CELF4: variants seen among roughly 807,000 people sequenced by gnomAD.
CELF4 encodes the protein CUGBP Elav-like family member 4, also known as CUG-BP- and ETR-3-like factor 4.
In CELF4, 18 loss-of-function variants were observed where a neutral mutation model predicts 59.9. The ratio of observed to expected loss-of-function variants is 0.30; its 90% confidence interval spans 0.21 to 0.45. CELF4 has a LOEUF of 0.45. Among genes scored for constraint, CELF4 ranks in the 20% least tolerant of loss-of-function variants. The probability of loss-of-function intolerance (pLI) is 1.00; values close to 1 mark genes in which losing one functional copy is unlikely to be tolerated. For missense variants in CELF4, 456 were observed against 689.0 expected (o/e 0.66, Z 3.79); for synonymous variants, 261 against 267.1 (o/e 0.98, Z 0.22).
At chr18:37,526,525 C>T (rs2099963983) in intron 1 of CELF4, among the ~76,000 whole-genome samples, 2 of 152,154 alleles carry the variant, frequency 1.3e-5, no homozygotes, top group South Asian at 4.1e-4. Flanking sequence ...CTAGTGAGTA[C>T]TACTCAGCGC....
rs866429560 is a variant in CELF4 at position 37,408,505 on chromosome 18, G to T, written c.369+77020C>A. On this transcript the variant is annotated intron_variant, in intron 2 of 12. Coordinates refer to ENST00000420428, the MANE Select transcript of CELF4 (RefSeq NM_020180.4). ...TTTGGTTGGTGCCGGGGGGGGGCGC[G>T]GTGCAGGAGGATGTGAGAGGAGGAA... is the stretch of plus-strand genomic sequence containing the variant. Among the ~76,000 whole-genome samples, 19 of 15,402 alleles carry T rather than the reference G, an allele frequency of 1.2e-3. 1 individual carries two copies. Among genetic ancestry groups the T allele is most frequent in the South Asian group, 0.018 (1 of 56 alleles). The allele number at this position is 15,402 out of a possible 152,430, so 10.1% of individuals were successfully genotyped here.
intron 2 of CELF4, among the ~76,000 whole-genome samples, chr18:37,448,471 G>T (rs529840603): frequency 1.4e-4 from 22 of 152,220 alleles, no homozygotes; most frequent in Non-Finnish European, 3.1e-4. Flanking sequence ...ATGGCCCTAT[G>T]CTGTCCCCTC....
chr18:37,338,984 T>C (rs1481608487), intron 2 of CELF4, among the ~76,000 whole-genome samples: 1 of 152,196 alleles, frequency 6.6e-6, no homozygotes, highest in Non-Finnish European at 1.5e-5. Flanking sequence ...TGGCCATCGT[T>C]TGGGTCTCTG....
At chr18:37,299,832 G>A (rs1385065894) in intron 3 of CELF4, among the ~76,000 whole-genome samples, 2 of 151,968 alleles carry the variant, frequency 1.3e-5, no homozygotes, top group African/African-American at 4.8e-5. Context: ...CCCCCTCCAG[G>A]GTCCAGCCAG....
intron 2 of CELF4, among the ~76,000 whole-genome samples, chr18:37,399,401 C>G (rs2099293047): frequency 6.6e-6 from 1 of 152,166 alleles, no homozygotes; most frequent in Admixed American, 6.5e-5. Context: ...AGAAAGCCCT[C>G]AACAGATGCT....
At chr18:37,339,098 A>T (rs532245559) in intron 2 of CELF4, among the ~76,000 whole-genome samples, 57 of 152,288 alleles carry the variant, frequency 3.7e-4, no homozygotes, top group African/African-American at 1.3e-3. Context: ...TTATAAGCAC[A>T]AAGTATTATG....
rs77837932 is a variant in CELF4 at position 37,504,709 on chromosome 18, C to T, written c.287-19102G>A. ...ATGAAGCACTGCCTCGGGCGAGGGG[C>T]GGTGCTTAGCACTAAGCACACATTT... On this transcript the variant is annotated intron_variant, in intron 1 of 12. Transcript: ENST00000420428. 8.4e-3 allele frequency among the ~76,000 whole-genome samples: 1,285 copies of T among 152,212 alleles called. 20 individuals are homozygous for T. The highest frequency in any genetic ancestry group is 0.029 in the African/African-American group (1,217 of 41,532).
At chr18:37,302,972 G>A (rs1006573931) in intron 3 of CELF4, among the ~76,000 whole-genome samples, 1 of 152,122 alleles carries the variant, frequency 6.6e-6, no homozygotes, top group African/African-American at 2.4e-5. Context: ...GTGGGAAGGG[G>A]GCTCCATCTC....
chr18:37,496,386 T>C (rs761643009), intron 1 of CELF4, among the ~76,000 whole-genome samples: 2 of 152,276 alleles, frequency 1.3e-5, no homozygotes, highest in South Asian at 2.1e-4. Flanking sequence ...GGAAGGTGTG[T>C]CCACCCCTCT....
chr18:37,362,845 T>C (rs1224512052), intron 2 of CELF4, among the ~76,000 whole-genome samples: 1 of 152,102 alleles, frequency 6.6e-6, no homozygotes, highest in East Asian at 1.9e-4. Context: ...CTCTACACGT[T>C]TGCACACCTC....
intron 1 of CELF4, among the ~76,000 whole-genome samples, chr18:37,522,629 C>A (rs868534101): frequency 3.8e-4 from 58 of 152,264 alleles, no homozygotes; most frequent in African/African-American, 1.3e-3. Flanking sequence ...GCTGAGGAAA[C>A]AATGAGGGGA....
At chr18:37,425,364 C>A (rs571292623) in intron 2 of CELF4, among the ~76,000 whole-genome samples, 2 of 152,326 alleles carry the variant, frequency 1.3e-5, no homozygotes, top group Admixed American at 6.5e-5. Flanking sequence ...GGGCTCTAAC[C>A]CTTCCCTGTT....
intron 2 of CELF4, among the ~76,000 whole-genome samples, chr18:37,473,110 C>T (rs2099838601): frequency 6.6e-6 from 1 of 152,180 alleles, no homozygotes; most frequent in Admixed American, 6.5e-5. Context: ...GAGGGCAGCA[C>T]AGGCCAGCCC....
chr18:37,329,425 C>G (rs1194479131), intron 2 of CELF4, among the ~76,000 whole-genome samples: 1 of 152,242 alleles, frequency 6.6e-6, no homozygotes, highest in Non-Finnish European at 1.5e-5. Context: ...CATGGGCTCT[C>G]AGTCCTAACC....
At chr18:37,474,481 G>T (rs2154602711) in intron 2 of CELF4, among the ~76,000 whole-genome samples, 2 of 152,330 alleles carry the variant, frequency 1.3e-5, no homozygotes, top group East Asian at 3.9e-4. Context: ...CCCTCATGCA[G>T]CTCTGGCTTT....
intron 3 of CELF4, among the ~76,000 whole-genome samples, chr18:37,314,730 G>T (rs555570688): frequency 7.3e-5 from 11 of 151,600 alleles, no homozygotes; most frequent in South Asian, 6.2e-4. Flanking sequence ...TGCAGCTTGT[G>T]GGGGGAACAA....
At chr18:37,356,269 C>G (rs1054800247) in intron 2 of CELF4, among the ~76,000 whole-genome samples, 1 of 152,170 alleles carries the variant, frequency 6.6e-6, no homozygotes, top group Non-Finnish European at 1.5e-5. Context: ...AAATGAAAAA[C>G]AGTGAACATA....
intron 2 of CELF4, among the ~76,000 whole-genome samples, chr18:37,383,046 G>C (rs1287062305): frequency 6.6e-6 from 1 of 151,892 alleles, no homozygotes; most frequent in Non-Finnish European, 1.5e-5. Context: ...ATGTATGTAT[G>C]TATGTATGTA....
At chr18:37,498,637 T>C (rs1052169498) in intron 1 of CELF4, among the ~76,000 whole-genome samples, 3 of 151,856 alleles carry the variant, frequency 2.0e-5, no homozygotes, top group Non-Finnish European at 2.9e-5. Context: ...GCAGCATTTT[T>C]CCCATCCCTA....
Sources: allele counts gnomAD v4.1 joint callset (sites outside exome capture counted in the v4.1 genomes callset), GRCh38; gene constraint gnomAD v4.1.1; transcripts MANE v1.5; gene names NCBI Gene and HGNC (gene_info 2026-07-23, HGNC 2026-07-21).